The following PRTFDC1 variants were observed in gnomAD, a reference collection of about 807,000 sequenced individuals.
The protein encoded by PRTFDC1 is phosphoribosyltransferase domain-containing protein 1.
In PRTFDC1, 38 loss-of-function variants were observed where a neutral mutation model predicts 34.6. The ratio of observed to expected loss-of-function variants is 1.10; its 90% CI spans 0.85 to 1.44. The LOEUF (loss-of-function observed/expected upper bound fraction) is 1.44. Among genes scored for constraint, PRTFDC1 ranks in the 40% most tolerant of loss-of-function variants. The pLI is 0.00. For synonymous variants in PRTFDC1, 93 were observed against 98.1 expected (o/e 0.95, Z 0.31); for missense variants, 270 against 283.0 (o/e 0.95, Z 0.33).
At chr10:24,899,462 T>TG (rs1848417755) in intron 3 of PRTFDC1, among the ~76,000 whole-genome samples, 1 of 152,192 alleles carries the variant, frequency 6.6e-6, no homozygotes, top group Admixed American at 6.5e-5. Flanking sequence ...CCGGCTATAC[T>TG]GTTTGAGTGG....
At chr10:24,950,719 G>A (rs890534365) in intron 1 of PRTFDC1, among the ~76,000 whole-genome samples, 1 of 151,438 alleles carries the variant, frequency 6.6e-6, no homozygotes, top group Non-Finnish European at 1.5e-5. Flanking sequence ...GTTCTTTCTC[G>A]GTTCCTTCAA....
intron 4 of PRTFDC1, among the ~76,000 whole-genome samples, chr10:24,865,655 A>C (rs1435689703): frequency 1.3e-5 from 2 of 152,222 alleles, no homozygotes; most frequent in Non-Finnish European, 2.9e-5. Flanking sequence ...AGAAAGAAGA[A>C]AAGAAGGGAG....
intron 3 of PRTFDC1, among the ~76,000 whole-genome samples, chr10:24,899,861 T>C (rs765688439): frequency 4.8e-4 from 73 of 152,298 alleles, no homozygotes; most frequent in Non-Finnish European, 6.3e-4. Context: ...AGTTGAACAA[T>C]AATGCTGCTT....
chr10:24,893,294 CTCTT>C (rs1488428152), intron 3 of PRTFDC1, among the ~76,000 whole-genome samples: 5 of 152,032 alleles, frequency 3.3e-5, no homozygotes, highest in Admixed American at 2.0e-4. Flanking sequence ...CTCTCTTTCT[CTCTT>C]TCTTTCTCTT....
intron 3 of PRTFDC1, among the ~76,000 whole-genome samples, chr10:24,922,509 G>A (rs548552096): frequency 1.1e-3 from 162 of 152,308 alleles, no homozygotes; most frequent in African/African-American, 3.4e-3. Context: ...TAGTGAATAA[G>A]TCTCATGAGA....
At chr10:24,876,948 C>G (rs1229207886) in intron 3 of PRTFDC1, among the ~76,000 whole-genome samples, 2 of 151,094 alleles carry the variant, frequency 1.3e-5, no homozygotes, top group Admixed American at 6.6e-5. Flanking sequence ...CTTTTATTTC[C>G]CACTGGGATG....
chr10:24,948,771 G>A (rs1849291332), intron 1 of PRTFDC1, among the ~76,000 whole-genome samples: 1 of 152,082 alleles, frequency 6.6e-6, no homozygotes, highest in African/African-American at 2.4e-5. Context: ...ACTTCATCTT[G>A]TAGCTCCTTC....
At position 24,952,570 on chromosome 10, in the gene PRTFDC1, G is replaced by A; in HGVS notation, c.6C>T (p.Ala2=). The part of the protein sequence containing the change: M[A]GSSEEAPDYG... ...AGTCTGGCGCCTCCTCGCTGCTCCC[G>A]GCCATGTTTCTCCCGGGGAACGCGG... Residue 2 remains alanine, a synonymous_variant, in exon 1 of 9, where the codon GCC becomes GCT. Transcript: ENST00000320152. The surrounding 1 kb of genome is among the most constrained non-coding windows in gnomAD (Gnocchi z 5.1). 1.3e-6 allele frequency: 2 copies of A among 1,590,606 alleles called. No homozygotes were observed. Among genetic ancestry groups the A allele is most frequent in the Non-Finnish European group, 1.7e-6 (2 of 1,168,436 alleles).
intron 3 of PRTFDC1, among the ~76,000 whole-genome samples, chr10:24,895,215 C>T (rs1452324195): frequency 2.7e-5 from 4 of 149,524 alleles, no homozygotes; most frequent in African/African-American, 4.9e-5. Flanking sequence ...TTTTTATATC[C>T]GAGTAGGATT....
intron 1 of PRTFDC1, among the ~76,000 whole-genome samples, chr10:24,949,706 AT>A (rs953399396): frequency 4.2e-5 from 6 of 143,202 alleles, no homozygotes; most frequent in South Asian, 2.2e-4. Context: ...GTTTATACTC[AT>A]TTTTTTTGTT....
In PRTFDC1 at chr10:24,886,956, CTTTTTTTTTTT is replaced by C. The variant is rs57910963; in HGVS notation, c.340-14904_340-14894del. 1.2e-4 allele frequency among the ~76,000 whole-genome samples: 10 copies of C among 86,406 alleles called. No individual in the cohort carries two copies. In the East Asian group the frequency reaches 2.5e-3, roughly 22 times the overall value. 56.7% of individuals were successfully genotyped at this position (86,406 alleles called of 152,430 possible). A position where few individuals can be genotyped will look rare whatever the true frequency, so the allele number is the denominator to read the frequency against. ...TCTTTGTATCTTGTTAATACTCCTT[CTTTTTTTTTTT>C]TTTTTTTTTTTTTTGAGACGGAGTC... On this transcript the variant is annotated intron_variant, in intron 3 of 8. Transcript: ENST00000320152.
chr10:24,926,540 C>T (rs1456986362), intron 3 of PRTFDC1, among the ~76,000 whole-genome samples: 1 of 152,164 alleles, frequency 6.6e-6, no homozygotes, highest in African/African-American at 2.4e-5. Context: ...GTAGAGCTGG[C>T]ATTTCACCAT....
chr10:24,871,955 C>T (rs1847876134), intron 4 of PRTFDC1, 43 bp downstream of exon 4: 1 of 1,537,116 alleles, frequency 6.5e-7, no homozygotes. Flanking sequence ...TCACCGATGC[C>T]CCCAGACCTC....
chr10:24,905,606 C>A (rs930630049), intron 3 of PRTFDC1, among the ~76,000 whole-genome samples: 2 of 152,046 alleles, frequency 1.3e-5, no homozygotes, highest in Admixed American at 1.3e-4. Flanking sequence ...AGCCACCTTG[C>A]CAAGCCAAGA....
chr10:24,856,632 G>A (rs530248540), intron 6 of PRTFDC1, among the ~76,000 whole-genome samples: 11 of 152,192 alleles, frequency 7.2e-5, no homozygotes, highest in South Asian at 2.1e-4. Flanking sequence ...GAAGGGAGCG[G>A]AGCAATTGCA....
At chr10:24,894,841 A>G (rs1334493222) in intron 3 of PRTFDC1, among the ~76,000 whole-genome samples, 1 of 151,998 alleles carries the variant, frequency 6.6e-6, no homozygotes, top group African/African-American at 2.4e-5. Context: ...GGGCAAATGA[A>G]CCCTTTTGAG....
chr10:24,904,261 T>TACACAC (rs10585982), intron 3 of PRTFDC1, among the ~76,000 whole-genome samples: 78 of 148,276 alleles, frequency 5.3e-4, no homozygotes, highest in African/African-American at 1.3e-3. Flanking sequence ...TAAAATGTAA[T>TACACAC]ACACACACAC....
intron 3 of PRTFDC1, among the ~76,000 whole-genome samples, chr10:24,891,009 C>A (rs1848251241): frequency 6.6e-6 from 1 of 152,122 alleles, no homozygotes; most frequent in African/African-American, 2.4e-5. Context: ...CAAGGGAGGA[C>A]CCATTTGGGA....
intron 3 of PRTFDC1, among the ~76,000 whole-genome samples, chr10:24,928,431 A>G (rs889266103): frequency 1.3e-5 from 2 of 152,076 alleles, no homozygotes; most frequent in Non-Finnish European, 2.9e-5. Context: ...CTCAGAAAGA[A>G]AAGGAGGCTT....
Sources: gnomAD v4.1 joint callset for allele counts (sites outside exome capture counted in the v4.1 genomes callset) on GRCh38, gnomAD v4.1.1 for gene constraint, Gnocchi (gnomAD v3.1) non-coding constraint, MANE v1.5 for transcripts, NCBI Gene and HGNC (gene_info 2026-07-23, HGNC 2026-07-21) for gene names.